PARD3B: variants seen among roughly 807,000 people sequenced by gnomAD.
PARD3B encodes par-3 family cell polarity regulator beta.
In PARD3B, 103 loss-of-function variants were observed where a neutral mutation model predicts 130.2. That is an observed-to-expected ratio of 0.79 (90% confidence interval 0.67 to 0.93). The LOEUF (loss-of-function observed/expected upper bound fraction) is 0.93, where lower values mean the gene tolerates loss of function less well. PARD3B is among the 40% of genes least tolerant of loss of function. The pLI is 0.00. For missense variants in PARD3B, 1,609 were observed against 1,499.2 expected (o/e 1.07, Z -1.21); for synonymous variants, 583 against 553.2 (o/e 1.05, Z -0.76).
At chr2:205,500,363 C>T (rs1045097935) in intron 21 of PARD3B, among the ~76,000 whole-genome samples, 34 of 152,096 alleles carry the variant, frequency 2.2e-4, no homozygotes, top group African/African-American at 8.2e-4. Flanking sequence ...CAACACAAGC[C>T]ATCTCTCCTT....
intron 10 of PARD3B, among the ~76,000 whole-genome samples, chr2:205,154,385 A>C (rs890821304): frequency 6.6e-6 from 1 of 152,242 alleles, no homozygotes; most frequent in Non-Finnish European, 1.5e-5. Flanking sequence ...ATCATTAAAA[A>C]GTCAGGAAAC....
chr2:205,554,660 C>T (rs949957506), intron 22 of PARD3B, among the ~76,000 whole-genome samples: 3 of 152,050 alleles, frequency 2.0e-5, no homozygotes, highest in East Asian at 1.9e-4. Flanking sequence ...TCCATGGATT[C>T]GATCAATCTC....
Position 205,421,783 on chromosome 2 carries a change from T to G in PARD3B, c.2742-18587T>G, listed in dbSNP as rs143786687. 3.0e-4 allele frequency among the ~76,000 whole-genome samples: 45 copies of G among 152,334 alleles called. No homozygotes were observed. Among genetic ancestry groups the G allele is most frequent in the Non-Finnish European group, 5.0e-4 (34 of 68,032 alleles). On this transcript the variant is annotated intron_variant, in intron 19 of 22. Coordinates refer to ENST00000406610, the MANE Select transcript of PARD3B (RefSeq NM_001302769.2). This position sits in a 1 kb window ranked among gnomAD's most constrained non-coding sequence, Gnocchi z 5.1. ...CAAGATGTCAACTGAGCTGATTCCT[T>G]TTGCAGACTCATTGTCATTGGCTTT...
rs1253349554 is a variant in PARD3B at position 205,014,727 on chromosome 2, C to T, written c.395-32854C>T. On this transcript the variant is annotated intron_variant, in intron 3 of 22. Coordinates refer to ENST00000406610, the MANE Select transcript of PARD3B (RefSeq NM_001302769.2). ...GCTCTGGTGCAGCTTGTAGTCTAGT[C>T]TAGGAGAGGTAGAATTGAACACACA... Among the ~76,000 whole-genome samples, 4 of 152,106 alleles carry T rather than the reference C, an allele frequency of 2.6e-5. No individual in the cohort carries two copies. The East Asian group carries it at 5.8e-4, about 22-fold the overall frequency.
chr2:204,762,690 GT>G (rs1240530160), intron 2 of PARD3B, among the ~76,000 whole-genome samples: 1 of 150,790 alleles, frequency 6.6e-6, no homozygotes, highest in Non-Finnish European at 1.5e-5. Flanking sequence ...AATCTTATAT[GT>G]TTTCTTTAGT....
At chr2:205,348,811 T>G (rs1487264247) in intron 18 of PARD3B, among the ~76,000 whole-genome samples, 3 of 152,150 alleles carry the variant, frequency 2.0e-5, no homozygotes, top group Non-Finnish European at 4.4e-5. Flanking sequence ...CTAAAGCAGT[T>G]AGATAAGGGA....
At chr2:204,686,131 A>C in intron 1 of PARD3B, 50 bp from the exon 2 acceptor site, 1 of 1,267,234 alleles carries the variant, frequency 7.9e-7, no homozygotes, top group South Asian at 1.2e-5. Flanking sequence ...AAATGTGTTT[A>C]ACTTTTTAAC....
intron 2 of PARD3B, among the ~76,000 whole-genome samples, chr2:204,911,564 C>G (rs2047237567): frequency 6.6e-6 from 1 of 152,142 alleles, no homozygotes; most frequent in Non-Finnish European, 1.5e-5. Flanking sequence ...AGAGCATTAA[C>G]CAGAAATTTT....
chr2:205,227,295 T>C (rs1337628294), intron 15 of PARD3B, among the ~76,000 whole-genome samples: 4 of 152,208 alleles, frequency 2.6e-5, no homozygotes, highest in African/African-American at 4.8e-5. Flanking sequence ...CTCCAGCCAT[T>C]ATTGTATTGG....
intron 2 of PARD3B, among the ~76,000 whole-genome samples, chr2:204,840,652 C>G (rs961621256): frequency 1.3e-5 from 2 of 151,922 alleles, no homozygotes; most frequent in Admixed American, 1.3e-4. Flanking sequence ...GAGGCAAATA[C>G]GTGTGGTTGT....
At chr2:204,721,398 T>G (rs1321432854) in intron 2 of PARD3B, among the ~76,000 whole-genome samples, 1 of 152,144 alleles carries the variant, frequency 6.6e-6, no homozygotes, top group Non-Finnish European at 1.5e-5. Context: ...GGCCAGTCGT[T>G]TCAGAGGCTG....
chr2:205,116,522 C>G lies in PARD3B; in HGVS notation c.681-2399C>G, dbSNP rs1033462358. On this transcript the variant is annotated intron_variant, in intron 6 of 22. Coordinates refer to ENST00000406610, the MANE Select transcript of PARD3B (RefSeq NM_001302769.2). The surrounding 1 kb of genome is among the most constrained non-coding windows in gnomAD (Gnocchi z 4.5). ...CTGTGGATTTCAGCATCCTTTATCA[C>G]TGTTCATTAATGCAAATTAACTGGT... is the stretch of plus-strand genomic sequence containing the variant. Among the ~76,000 whole-genome samples the G allele has an allele frequency of 6.6e-6, 1 of 152,198 alleles. No homozygotes were observed. The highest frequency in any genetic ancestry group is 2.4e-5 in the African/African-American group (1 of 41,452).
At chr2:204,738,997 G>C (rs1396441544) in intron 2 of PARD3B, among the ~76,000 whole-genome samples, 4 of 152,166 alleles carry the variant, frequency 2.6e-5, no homozygotes, top group African/African-American at 9.6e-5. Flanking sequence ...GATTATGCAA[G>C]GGTGAGTATC....
rs556635697 is a variant in PARD3B at position 205,589,104 on chromosome 2, A to G, written c.3261-26352A>G. Among the ~76,000 whole-genome samples, 104 of 152,308 alleles carry G rather than the reference A, an allele frequency of 6.8e-4. 1 individual carries two copies. Among genetic ancestry groups the G allele is most frequent in the African/African-American group, 2.4e-3 (100 of 41,572 alleles). On this transcript the variant is annotated intron_variant, in intron 22 of 22. Transcript: ENST00000406610. The surrounding 1 kb of genome is among the most constrained non-coding windows in gnomAD (Gnocchi z 4.1). ...GGAGTTTCAGACCAGTCTGGGTAAC[A>G]TGGCAAAACCCCATTTCTACAAAAA...
intron 11 of PARD3B, among the ~76,000 whole-genome samples, chr2:205,159,595 G>T (rs2034390075): frequency 6.6e-6 from 1 of 152,238 alleles, no homozygotes; most frequent in South Asian, 2.1e-4. Flanking sequence ...CTCACCGGTA[G>T]AATGGTGATA....
intron 15 of PARD3B, among the ~76,000 whole-genome samples, chr2:205,242,318 C>G (rs1488750283): frequency 6.6e-6 from 1 of 152,086 alleles, no homozygotes; most frequent in Non-Finnish European, 1.5e-5. Context: ...AAATATTATT[C>G]AGCCAAAAAG....
chr2:205,537,351 C>T (rs1371248116), intron 21 of PARD3B, among the ~76,000 whole-genome samples: 1 of 152,178 alleles, frequency 6.6e-6, no homozygotes, highest in Non-Finnish European at 1.5e-5. Context: ...TGGGATTTGG[C>T]TTCTTTGCAT....
intron 18 of PARD3B, among the ~76,000 whole-genome samples, chr2:205,368,863 A>C (rs1374150970): frequency 6.7e-6 from 1 of 149,866 alleles, no homozygotes; most frequent in Non-Finnish European, 1.5e-5. Context: ...GGGAAAACAA[A>C]AAAAAAAAAA....
intron 21 of PARD3B, among the ~76,000 whole-genome samples, chr2:205,520,295 A>G (rs1213342710): frequency 6.6e-6 from 1 of 152,176 alleles, no homozygotes; most frequent in Non-Finnish European, 1.5e-5. Flanking sequence ...AGTGGTGGAT[A>G]TGTGGGAAAC....
Sources: gnomAD v4.1 joint callset for allele counts (sites outside exome capture counted in the v4.1 genomes callset) on GRCh38, gnomAD v4.1.1 for gene constraint, Gnocchi (gnomAD v3.1) non-coding constraint, MANE v1.5 for transcripts, NCBI Gene and HGNC (gene_info 2026-07-23, HGNC 2026-07-21) for gene names.